Variants in PDE1A observed in about 807,000 individuals in gnomAD.
PDE1A encodes phosphodiesterase 1A.
A neutral mutation model predicts 61.7 loss-of-function variants in PDE1A; 35 were observed. That is an observed-to-expected ratio of 0.57 (90% CI 0.43 to 0.75). The LOEUF (loss-of-function observed/expected upper bound fraction) is 0.75, where lower values mean the gene tolerates loss of function less well. Ranked by LOEUF, PDE1A falls within the 30% of genes least tolerant of loss-of-function variation. The pLI, the probability that PDE1A is intolerant of heterozygous loss-of-function variation, is 0.00. For synonymous variants in PDE1A, 232 were observed against 213.2 expected, an observed-to-expected ratio of 1.09 and a Z score of -0.77; for missense variants, 597 against 630.6, an observed-to-expected ratio of 0.95 and a Z score of 0.57.
downstream of PDE1A, among the ~76,000 whole-genome samples, chr2:182,164,725 T>A (rs1233080419): frequency 6.6e-6 from 1 of 152,108 alleles, no homozygotes; most frequent in Non-Finnish European, 1.5e-5. Flanking sequence ...AGACCAATAG[T>A]GAGCCCTAAT....
chr2:182,532,469 G>A, the PDE1A span, among the ~76,000 whole-genome samples: 184 of 152,280 alleles, frequency 1.2e-3, 1 homozygote, highest in Non-Finnish European at 2.0e-3. Context: ...ATGAAATGCA[G>A]AAAAGGCAAA....
intron 11 of PDE1A, among the ~76,000 whole-genome samples, chr2:182,188,397 T>A (rs916257565): frequency 6.6e-6 from 1 of 152,200 alleles, no homozygotes; most frequent in Non-Finnish European, 1.5e-5. Flanking sequence ...GCTTAGGGAA[T>A]AATTATTACA....
chr2:182,259,686 C>G (rs1692085977), intron 2 of PDE1A, among the ~76,000 whole-genome samples: 1 of 152,082 alleles, frequency 6.6e-6, no homozygotes, highest in African/African-American at 2.4e-5. Flanking sequence ...CGCTAATCAT[C>G]GAAATTATGA....
intron 13 of PDE1A, among the ~76,000 whole-genome samples, chr2:182,157,947 C>G (rs1691186131): frequency 6.6e-6 from 1 of 152,188 alleles, no homozygotes; most frequent in African/African-American, 2.4e-5. Context: ...AAATCAATTC[C>G]ACATATTCAG....
intron 1 of PDE1A, among the ~76,000 whole-genome samples, chr2:182,407,382 ATTTTT>A (rs140291101): frequency 1.3e-5 from 2 of 150,046 alleles, no homozygotes; most frequent in Non-Finnish European, 3.0e-5. Flanking sequence ...CTTTATTATT[ATTTTT>A]TTTTTATTTT....
At chr2:182,597,738 C>G in the PDE1A span, among the ~76,000 whole-genome samples, 3 of 152,282 alleles carry the variant, frequency 2.0e-5, no homozygotes, top group Middle Eastern at 3.4e-3. Flanking sequence ...CAGGCATTGT[C>G]AAGTCCCCAG....
intron 13 of PDE1A, among the ~76,000 whole-genome samples, chr2:182,179,480 T>TA (rs1413532797): frequency 6.6e-6 from 1 of 152,024 alleles, no homozygotes; most frequent in South Asian, 2.1e-4. Context: ...GATAACAGCT[T>TA]AAAAAAAGAA....
At chr2:182,153,171 C>G (rs553149854) in intron 13 of PDE1A, among the ~76,000 whole-genome samples, 26 of 152,166 alleles carry the variant, frequency 1.7e-4, no homozygotes. Context: ...CTTGGGGAAG[C>G]TAATACCTTG....
chr2:182,163,253 T>C (rs1320506163), downstream of PDE1A, among the ~76,000 whole-genome samples: 1 of 152,178 alleles, frequency 6.6e-6, no homozygotes, highest in Non-Finnish European at 1.5e-5. Flanking sequence ...CAGCTATTGT[T>C]CTGGTAAATG....
chr2:182,208,942 C>G lies in PDE1A; in HGVS notation c.777-2877G>C, dbSNP rs558426074. On this transcript the variant is annotated intron_variant, in intron 7 of 13. Coordinates refer to ENST00000351439, the Ensembl canonical transcript of PDE1A. Reference sequence around the variant, plus strand: ...CAAGCTCATAGGTGGAAGGGACTTGCCTTGTCTCACATGAGGCTTTGGAGT... The same window carrying G: ...CAAGCTCATAGGTGGAAGGGACTTGGCTTGTCTCACATGAGGCTTTGGAGT... 2.0e-5 allele frequency among the ~76,000 whole-genome samples: 3 copies of G among 152,246 alleles called. No homozygotes were observed. The South Asian group carries it at 6.2e-4, about 32-fold the overall frequency.
At chr2:182,178,357 C>A (rs994473417) in intron 13 of PDE1A, among the ~76,000 whole-genome samples, 16 of 152,054 alleles carry the variant, frequency 1.1e-4, no homozygotes, top group African/African-American at 3.6e-4. Flanking sequence ...AGGTGCCATT[C>A]AAATTGGAGG....
chr2:182,329,506 C>T (rs1697264769), intron 1 of PDE1A, among the ~76,000 whole-genome samples: 1 of 152,156 alleles, frequency 6.6e-6, no homozygotes, highest in Non-Finnish European at 1.5e-5. Context: ...TCTCCTGCCT[C>T]AGCCTCCCGA....
intron 1 of PDE1A, among the ~76,000 whole-genome samples, chr2:182,350,956 T>G (rs1485969421): frequency 6.6e-6 from 1 of 152,250 alleles, no homozygotes; most frequent in Non-Finnish European, 1.5e-5. Flanking sequence ...GTTACCACTC[T>G]GTAACTTTTA....
At chr2:182,202,275 A>G (rs1474141459) in intron 8 of PDE1A, among the ~76,000 whole-genome samples, 1 of 152,202 alleles carries the variant, frequency 6.6e-6, no homozygotes, top group East Asian at 1.9e-4. Flanking sequence ...TAAGAAGAGC[A>G]TGAGATTTCA....
chr2:182,441,576 C>T (rs937495594), intron 2 of PDE1A, among the ~76,000 whole-genome samples: 48 of 152,006 alleles, frequency 3.2e-4, no homozygotes, highest in Non-Finnish European at 3.5e-4. Flanking sequence ...CAAGAAACAA[C>T]GCCACAACAG....
At chr2:182,176,235 G>C (rs1223199885) in intron 13 of PDE1A, among the ~76,000 whole-genome samples, 1 of 148,400 alleles carries the variant, frequency 6.7e-6, no homozygotes, top group Non-Finnish European at 1.5e-5. Flanking sequence ...GTCATTGGTA[G>C]CTTGATGGGG....
At chr2:182,275,881 T>C (rs1693374149) in intron 1 of PDE1A, among the ~76,000 whole-genome samples, 1 of 152,148 alleles carries the variant, frequency 6.6e-6, no homozygotes, top group African/African-American at 2.4e-5. Context: ...AATAGAAACA[T>C]TGGCATATGC....
At chr2:182,535,850 G>A in the PDE1A span, among the ~76,000 whole-genome samples, 42 of 152,190 alleles carry the variant, frequency 2.8e-4, no homozygotes, top group African/African-American at 9.4e-4. Context: ...TGTGCATTAC[G>A]GAAAATGGGT....
the PDE1A span, among the ~76,000 whole-genome samples, chr2:182,660,547 A>G: frequency 6.6e-6 from 1 of 152,216 alleles, no homozygotes; most frequent in Non-Finnish European, 1.5e-5. Context: ...ATCAAAAGGT[A>G]GGTTACCTTA....
Sources: allele counts gnomAD v4.1 joint callset (sites outside exome capture counted in the v4.1 genomes callset), GRCh38; gene constraint gnomAD v4.1.1; transcripts MANE v1.5; gene names NCBI Gene and HGNC (gene_info 2026-07-23, HGNC 2026-07-21).